Variants in C10orf90 observed in about 807,000 individuals in gnomAD.
C10orf90 encodes the protein chromosome 10 open reading frame 90.
C10orf90 carries 56 observed loss-of-function variants against 62.5 expected under a neutral mutation model. That is an observed-to-expected ratio of 0.90 (90% confidence interval 0.72 to 1.12). C10orf90 has a LOEUF of 1.12. Ranked by LOEUF, C10orf90 falls within the 50% of genes most tolerant of loss-of-function variation. The pLI is 0.00. For missense variants in C10orf90, 970 were observed against 880.4 expected (o/e 1.10, Z -1.29); for synonymous variants, 386 against 340.4 (o/e 1.13, Z -1.47).
At chr10:126,666,140 G>A (rs977586137) in intron 1 of C10orf90, among the ~76,000 whole-genome samples, 6 of 152,112 alleles carry the variant, frequency 3.9e-5, no homozygotes, top group Non-Finnish European at 7.3e-5. Flanking sequence ...TCTTTGTTGC[G>A]GGGTTGAAGG....
At chr10:126,576,782 T>TAGATAATATG (rs1844635503) in intron 2 of C10orf90, among the ~76,000 whole-genome samples, 10 of 144,018 alleles carry the variant, frequency 6.9e-5, no homozygotes, top group Non-Finnish European at 9.1e-5. Context: ...CATATACATA[T>TAGATAATATG]TATATATATA....
intron 2 of C10orf90, among the ~76,000 whole-genome samples, chr10:126,622,110 G>A (rs1490549689): frequency 6.6e-6 from 1 of 152,138 alleles, no homozygotes; most frequent in Non-Finnish European, 1.5e-5. Flanking sequence ...CACACAGTGT[G>A]AGAACTGTCT....
rs143945881 is a variant in C10orf90 at position 126,458,991 on chromosome 10, C to T, written c.2188+49G>A. On this transcript the variant is annotated intron_variant, in intron 7 of 9. Coordinates refer to ENST00000488181, the MANE Select transcript of C10orf90 (RefSeq NM_001350921.2). ...TGAGTGAAGCCTCCAGCTCCAGGAA[C>T]CCCCCATCCCTGGTCTTTTCCAGTC... The T allele has an allele frequency of 1.9e-4, 303 of 1,560,290 alleles. 1 individual carries two copies. The African/African-American group carries it at 3.3e-3, about 17-fold the overall frequency.
rs1256689599 is a variant in C10orf90 at position 126,428,091 on chromosome 10, A to G, written c.2252+1696T>C. On this transcript the variant is annotated intron_variant, in intron 8 of 9. Coordinates refer to ENST00000488181, the MANE Select transcript of C10orf90 (RefSeq NM_001350921.2). Reference sequence around the variant, plus strand: ...AACCGACAAAGAAAATAATCTATCTATTCGTCACAGAAGGGGCTCACAGAC... The same window carrying G: ...AACCGACAAAGAAAATAATCTATCTGTTCGTCACAGAAGGGGCTCACAGAC... Among the ~76,000 whole-genome samples the G allele has an allele frequency of 2.6e-5, 4 of 152,322 alleles. No individual in the cohort carries two copies. In the East Asian group the frequency reaches 7.7e-4, roughly 29 times the overall value.
chr10:126,452,666 C>T (rs544811776), intron 7 of C10orf90, among the ~76,000 whole-genome samples: 5 of 152,292 alleles, frequency 3.3e-5, no homozygotes, highest in African/African-American at 1.2e-4. Flanking sequence ...AATCAATAGA[C>T]ATAAATTGGT....
At chr10:126,628,470 G>A (rs979293641) in intron 2 of C10orf90, among the ~76,000 whole-genome samples, 1 of 152,080 alleles carries the variant, frequency 6.6e-6, no homozygotes, top group Non-Finnish European at 1.5e-5. Flanking sequence ...GTTTGTTGCT[G>A]TTTCACAGCT....
intron 1 of C10orf90, among the ~76,000 whole-genome samples, chr10:126,669,778 C>G (rs1846709882): frequency 6.6e-6 from 1 of 151,158 alleles, no homozygotes; most frequent in South Asian, 2.1e-4. Context: ...ATCATTCTTA[C>G]TGGCCTAACT....
intron 7 of C10orf90, among the ~76,000 whole-genome samples, chr10:126,431,172 G>A (rs190887223): frequency 9.8e-5 from 15 of 152,322 alleles, no homozygotes; most frequent in Admixed American, 9.1e-4. Flanking sequence ...AATTAAATAA[G>A]GGTGTGAAGT....
chr10:126,549,891 C>T (rs1864589697), intron 2 of C10orf90, among the ~76,000 whole-genome samples: 3 of 151,994 alleles, frequency 2.0e-5, no homozygotes, highest in South Asian at 4.2e-4. Flanking sequence ...CAAAGAATAA[C>T]ACCAAGTGCA....
chr10:126,512,012 C>T (rs138718952), intron 3 of C10orf90: 6 of 151,168 alleles, frequency 4.0e-5, no homozygotes, highest in Non-Finnish European at 7.4e-5. Context: ...GGAGAAGAGG[C>T]GGAGACTTAC....
chr10:126,467,527 C>G (rs1278249823), intron 4 of C10orf90, among the ~76,000 whole-genome samples: 1 of 152,140 alleles, frequency 6.6e-6, no homozygotes, highest in Non-Finnish European at 1.5e-5. Context: ...AGGATCTGGC[C>G]ATCTCGAGAG....
chr10:126,620,152 C>T (rs1027962176), intron 2 of C10orf90, among the ~76,000 whole-genome samples: 8 of 152,158 alleles, frequency 5.3e-5, no homozygotes, highest in African/African-American at 1.9e-4. Flanking sequence ...AAGTCAGCAA[C>T]ATTTTCCTTT....
chr10:126,618,358 A>G (rs757944513), intron 2 of C10orf90, among the ~76,000 whole-genome samples: 2 of 152,136 alleles, frequency 1.3e-5, no homozygotes, highest in Non-Finnish European at 2.9e-5. Context: ...AAACTCAACC[A>G]TTGGTGTAGG....
chr10:126,511,812 T>C (rs908107027), intron 3 of C10orf90, among the ~76,000 whole-genome samples: 5 of 152,162 alleles, frequency 3.3e-5, no homozygotes, highest in Admixed American at 3.3e-4. Context: ...TGTTTCTGTA[T>C]TTTCCTGTTT....
intron 2 of C10orf90, among the ~76,000 whole-genome samples, chr10:126,587,001 C>CCATCTAA (rs1000468044): frequency 6.6e-6 from 1 of 151,502 alleles, no homozygotes. Flanking sequence ...TCAGAACAAA[C>CCATCTAA]CATCTAAAAG....
intron 2 of C10orf90, among the ~76,000 whole-genome samples, chr10:126,557,004 T>A (rs1365289707): frequency 7.0e-4 from 75 of 106,688 alleles, no homozygotes; most frequent in African/African-American, 2.5e-3. Flanking sequence ...TTGCAATTAA[T>A]CAATTTAAAA....
At chr10:126,610,037 GGATCAT>G (rs1175465139) in intron 2 of C10orf90, among the ~76,000 whole-genome samples, 7 of 152,150 alleles carry the variant, frequency 4.6e-5, no homozygotes, top group Non-Finnish European at 1.0e-4. Context: ...GGGGCCCTCA[GGATCAT>G]GAGTGTCTGG....
chr10:126,588,505 C>G (rs541274566), intron 2 of C10orf90, among the ~76,000 whole-genome samples: 34 of 152,334 alleles, frequency 2.2e-4, no homozygotes, highest in African/African-American at 8.2e-4. Context: ...TGCTGTTTCT[C>G]TGCCTTCACT....
At chr10:126,627,593 G>A (rs181693572) in intron 2 of C10orf90, among the ~76,000 whole-genome samples, 1 of 152,214 alleles carries the variant, frequency 6.6e-6, no homozygotes, top group East Asian at 1.9e-4. Context: ...TGGGTGAAAG[G>A]GAGATTTGCT....
Sources: allele counts gnomAD v4.1 joint callset (sites outside exome capture counted in the v4.1 genomes callset), GRCh38; gene constraint gnomAD v4.1.1; transcripts MANE v1.5; gene names NCBI Gene and HGNC (gene_info 2026-07-23, HGNC 2026-07-21).